The following GNG12 variants were observed in gnomAD, a reference collection of about 807,000 sequenced individuals.
GNG12 encodes guanine nucleotide-binding protein G(I)/G(S)/G(O) subunit gamma-12.
For synonymous variants in GNG12, 28 were observed against 29.7 expected, an observed-to-expected ratio of 0.94 and a Z score of 0.19; for missense variants, 69 against 83.8, an observed-to-expected ratio of 0.82 and a Z score of 0.69.
In GNG12 at chr1:67,784,016, T is replaced by C. The variant is rs1325475446; in HGVS notation, c.-76-6509A>G. ...ATGCTGCTATAAAGACACATGTGCA[T>C]GTATGTTTACTGCGGCACTATTCAC... On this transcript the variant is annotated intron_variant, in intron 1 of 3. Transcript: ENST00000370982. Among the ~76,000 whole-genome samples the C allele has an allele frequency of 9.5e-4, 144 of 151,690 alleles. 1 individual carries two copies. Among genetic ancestry groups the C allele is most frequent in the Non-Finnish European group, 5.9e-4 (40 of 67,940 alleles).
At chr1:67,814,668 T>C (rs1290583469) in intron 1 of GNG12, among the ~76,000 whole-genome samples, 1 of 152,258 alleles carries the variant, frequency 6.6e-6, no homozygotes, top group Non-Finnish European at 1.5e-5. Context: ...CTTTATATGC[T>C]TTCATGTTTT....
chr1:67,754,714 C>A (rs1045085103), intron 2 of GNG12, among the ~76,000 whole-genome samples: 1 of 152,218 alleles, frequency 6.6e-6, no homozygotes, highest in South Asian at 2.1e-4. Flanking sequence ...CAGGAAGCCA[C>A]AGCACCTCCG....
At chr1:67,786,943 G>A (rs796983751) in intron 1 of GNG12, among the ~76,000 whole-genome samples, 2,395 of 25,926 alleles carry the variant, frequency 0.092, 77 homozygotes, top group South Asian at 0.2. Flanking sequence ...ATATGTGTGT[G>A]TGTGTGTGTG....
intron 2 of GNG12, among the ~76,000 whole-genome samples, chr1:67,744,084 T>C (rs1389193106): frequency 6.6e-6 from 1 of 152,236 alleles, no homozygotes; most frequent in Non-Finnish European, 1.5e-5. Flanking sequence ...CAGTATTTAC[T>C]GGATGCTTCC....
At chr1:67,775,819 A>C (rs1279637160) in intron 2 of GNG12, among the ~76,000 whole-genome samples, 5 of 152,236 alleles carry the variant, frequency 3.3e-5, no homozygotes, top group Non-Finnish European at 7.3e-5. Context: ...AGGCCATGTC[A>C]TGGAGAAGGG....
chr1:67,722,321 G>A (rs1046942250), intron 2 of GNG12, among the ~76,000 whole-genome samples: 3 of 152,160 alleles, frequency 2.0e-5, no homozygotes, highest in Non-Finnish European at 4.4e-5. Context: ...AAAGGACAGA[G>A]AAGAGTGTGT....
intron 1 of GNG12, among the ~76,000 whole-genome samples, chr1:67,808,804 A>G (rs554205826): frequency 6.6e-6 from 1 of 152,292 alleles, no homozygotes; most frequent in Non-Finnish European, 1.5e-5. Flanking sequence ...AAGAAGATCT[A>G]AATGAAAGAG....
intron 1 of GNG12, among the ~76,000 whole-genome samples, chr1:67,797,354 C>A (rs1646837783): frequency 6.6e-6 from 1 of 152,178 alleles, no homozygotes; most frequent in Non-Finnish European, 1.5e-5. Flanking sequence ...AGACCCCCTG[C>A]CCTTTGTATG....
At chr1:67,812,429 T>A (rs1646931417) in intron 1 of GNG12, among the ~76,000 whole-genome samples, 1 of 152,162 alleles carries the variant, frequency 6.6e-6, no homozygotes. Context: ...CTGCTAAAGG[T>A]CACTGATAAT....
intron 2 of GNG12, among the ~76,000 whole-genome samples, chr1:67,749,551 C>T (rs1646526591): frequency 6.6e-6 from 1 of 152,110 alleles, no homozygotes; most frequent in Non-Finnish European, 1.5e-5. Flanking sequence ...AATACAGTAC[C>T]AGGAGGAAGG....
At chr1:67,743,310 G>C (rs1037854729) in intron 2 of GNG12, among the ~76,000 whole-genome samples, 9 of 152,214 alleles carry the variant, frequency 5.9e-5, no homozygotes, top group African/African-American at 1.9e-4. Flanking sequence ...GCAGAAGCAA[G>C]GTTCTTCATG....
chr1:67,782,527 G>A (rs548023634), intron 1 of GNG12, among the ~76,000 whole-genome samples: 1 of 152,188 alleles, frequency 6.6e-6, no homozygotes, highest in South Asian at 2.1e-4. Context: ...CTTTTTACCT[G>A]GTTACTGTCC....
chr1:67,796,905 G>T (rs745737685), intron 1 of GNG12, among the ~76,000 whole-genome samples: 8 of 152,180 alleles, frequency 5.3e-5, no homozygotes, highest in Non-Finnish European at 1.2e-4. Flanking sequence ...CATGGTGAAA[G>T]GCAAAGGGGG....
intron 1 of GNG12, among the ~76,000 whole-genome samples, chr1:67,797,235 T>C (rs1167614769): frequency 6.6e-6 from 1 of 152,174 alleles, no homozygotes; most frequent in East Asian, 1.9e-4. Flanking sequence ...GAGTTAAAAA[T>C]TAAGTGATAA....
chr1:67,780,108 T>C (rs889027286), intron 1 of GNG12, among the ~76,000 whole-genome samples: 7 of 152,222 alleles, frequency 4.6e-5, no homozygotes, highest in African/African-American at 1.2e-4. Flanking sequence ...TATGCGCATA[T>C]GACTGTACTA....
intron 2 of GNG12, among the ~76,000 whole-genome samples, chr1:67,748,851 C>A (rs1243133479): frequency 6.6e-6 from 1 of 152,158 alleles, no homozygotes; most frequent in Non-Finnish European, 1.5e-5. Context: ...TCTATTTGAT[C>A]CTGCCCTGTA....
At chr1:67,736,277 C>T (rs1012933236) in intron 2 of GNG12, among the ~76,000 whole-genome samples, 3 of 152,040 alleles carry the variant, frequency 2.0e-5, no homozygotes, top group Admixed American at 1.3e-4. Context: ...TGAGAGTGTA[C>T]AACAACCAAA....
intron 2 of GNG12, among the ~76,000 whole-genome samples, chr1:67,773,576 G>A (rs1181050098): frequency 1.3e-5 from 2 of 152,164 alleles, no homozygotes; most frequent in Admixed American, 1.3e-4. Flanking sequence ...CTAGAACCAT[G>A]GGGCTCAAAA....
At chr1:67,830,247 C>T (rs1161399304) in intron 1 of GNG12, among the ~76,000 whole-genome samples, 1 of 152,108 alleles carries the variant, frequency 6.6e-6, no homozygotes, top group Non-Finnish European at 1.5e-5. Flanking sequence ...TCAGGTGATC[C>T]GCCCACCTTG....
Sources: gnomAD v4.1 joint callset for allele counts (sites outside exome capture counted in the v4.1 genomes callset) on GRCh38, gnomAD v4.1.1 for gene constraint, MANE v1.5 for transcripts, NCBI Gene and HGNC (gene_info 2026-07-23, HGNC 2026-07-21) for gene names.